AGAP1: variants seen among roughly 807,000 people sequenced by gnomAD.
The protein encoded by AGAP1 is arf-GAP with GTPase, ANK repeat and PH domain-containing protein 1.
AGAP1 carries 29 observed loss-of-function variants against 105.3 expected under a neutral mutation model. That is an observed-to-expected ratio of 0.28 (90% CI 0.21 to 0.38). The LOEUF (loss-of-function observed/expected upper bound fraction) is 0.38. Ranked by LOEUF, AGAP1 falls within the 10% of genes least tolerant of loss-of-function variation. AGAP1 has a pLI of 1.00. For synonymous variants in AGAP1, 509 were observed against 485.9 expected, an observed-to-expected ratio of 1.05 and a Z score of -0.63; for missense variants, 998 against 1,165.1, an observed-to-expected ratio of 0.86 and a Z score of 2.09.
intron 9 of AGAP1, among the ~76,000 whole-genome samples, chr2:235,831,654 G>A: frequency 6.6e-6 from 1 of 152,148 alleles, no homozygotes; most frequent in East Asian, 1.9e-4. Flanking sequence ...TTTCTTTCCA[G>A]TGCTGAGTAA....
intron 16 of AGAP1, among the ~76,000 whole-genome samples, chr2:236,066,413 A>G (rs1576215612): frequency 6.6e-6 from 1 of 152,144 alleles, no homozygotes; most frequent in Admixed American, 6.5e-5. Context: ...TTTAGTAGAG[A>G]TGGGGTTTCG....
intron 6 of AGAP1, among the ~76,000 whole-genome samples, chr2:235,762,373 A>G (rs1217830238): frequency 6.6e-6 from 1 of 152,122 alleles, no homozygotes; most frequent in Non-Finnish European, 1.5e-5. Context: ...ACTGGCTCCA[A>G]GAGGATGTGA....
At chr2:236,015,656 G>A (rs2125580003) in intron 13 of AGAP1, among the ~76,000 whole-genome samples, 1 of 152,206 alleles carries the variant, frequency 6.6e-6, no homozygotes, top group East Asian at 1.9e-4. Context: ...AGGGAGGCGG[G>A]GGCATCGGGC....
chr2:235,929,795 T>A (rs1266361903), intron 11 of AGAP1, among the ~76,000 whole-genome samples: 2 of 152,204 alleles, frequency 1.3e-5, no homozygotes, highest in Non-Finnish European at 2.9e-5. Context: ...TCTAAAAAGC[T>A]CCACAGGAAA....
At chr2:235,849,734 C>T (rs979346238) in intron 9 of AGAP1, among the ~76,000 whole-genome samples, 2 of 152,194 alleles carry the variant, frequency 1.3e-5, no homozygotes, top group Non-Finnish European at 2.9e-5. Context: ...TCCTCATGGC[C>T]GCTAGGGCAA....
chr2:236,086,156 C>A (rs1366872106), intron 16 of AGAP1, among the ~76,000 whole-genome samples: 2 of 152,196 alleles, frequency 1.3e-5, no homozygotes, highest in Non-Finnish European at 2.9e-5. Context: ...ATTCTAAATT[C>A]TAATTCATCT....
At position 235,723,145 on chromosome 2, in the gene AGAP1, C is replaced by T. The variant is rs956763481; in HGVS notation, c.310+5501C>T. Reference sequence around the variant, plus strand: ...TCATCGGCTGGCAGTGACCTTCACACCTCTGAGGACAATTTCACAGCTGCC... The same window carrying T: ...TCATCGGCTGGCAGTGACCTTCACATCTCTGAGGACAATTTCACAGCTGCC... On this transcript the variant is annotated intron_variant, in intron 3 of 17. Transcript: ENST00000304032. The surrounding 1 kb of genome is among the most constrained non-coding windows in gnomAD (Gnocchi z 6.2). 2.0e-5 allele frequency among the ~76,000 whole-genome samples: 3 copies of T among 152,238 alleles called. No individual in the cohort carries two copies. Among genetic ancestry groups the T allele is most frequent in the African/African-American group, 7.2e-5 (3 of 41,546 alleles).
chr2:236,127,828 CA>C lies in AGAP1; in HGVS notation c.*3708del, dbSNP rs1315036108. On this transcript the variant is annotated 3_prime_UTR_variant, in exon 18 of 18. Coordinates refer to ENST00000304032, the MANE Select transcript of AGAP1 (RefSeq NM_001037131.3). The surrounding 1 kb of genome is among the most constrained non-coding windows in gnomAD (Gnocchi z 6.6). The stretch of plus-strand genomic sequence containing the variant: ...CAGAGGATTCCTCTGCAACTCTAGG[CA>C]AGCACCCAGCTTCCTGGGCTCTTTT... 2 of 152,288 alleles carry C rather than the reference CA, an allele frequency of 1.3e-5. No homozygotes were observed. The highest frequency in any genetic ancestry group is 2.9e-5 in the Non-Finnish European group (2 of 68,088). 9.4% of individuals were successfully genotyped at this position (152,288 alleles called of 1,614,324 possible).
intron 13 of AGAP1, among the ~76,000 whole-genome samples, chr2:235,987,925 C>T (rs1040499005): frequency 2.0e-5 from 3 of 152,036 alleles, no homozygotes; most frequent in African/African-American, 7.3e-5. Context: ...CTCCTAATTA[C>T]AAAAATAGGT....
intron 9 of AGAP1, among the ~76,000 whole-genome samples, chr2:235,878,339 CCTT>C (rs2049848286): frequency 6.6e-6 from 1 of 152,198 alleles, no homozygotes. Context: ...CAGTGTTTCT[CCTT>C]CTCTTTGATA....
Position 235,971,772 on chromosome 2 carries a change from T to TTGATTG in AGAP1, c.1645+3149_1645+3150insTGATTG, listed in dbSNP as rs1559711488. Among the ~76,000 whole-genome samples, 5 of 148,436 alleles carry TTGATTG rather than the reference T, an allele frequency of 3.4e-5. No individual in the cohort carries two copies. The highest frequency in any genetic ancestry group is 1.3e-4 in the African/African-American group (5 of 39,686). On this transcript the variant is annotated intron_variant, in intron 13 of 17. Transcript: ENST00000304032. This position sits in a 1 kb window ranked among gnomAD's most constrained non-coding sequence, Gnocchi z 4.8. ...TTATTTATTTATTTATTTATTTATT[T>TTGATTG]ATTTATTTATTTATTGTATTTTTTG... is the stretch of plus-strand genomic sequence containing the variant.
intron 9 of AGAP1, among the ~76,000 whole-genome samples, chr2:235,856,149 T>C (rs1266734427): frequency 2.6e-5 from 4 of 152,132 alleles, no homozygotes; most frequent in African/African-American, 4.8e-5. Flanking sequence ...CCTGACCTTG[T>C]GAGCCACTCG....
At chr2:235,603,644 A>G (rs1352119605) in intron 1 of AGAP1, among the ~76,000 whole-genome samples, 2 of 152,236 alleles carry the variant, frequency 1.3e-5, no homozygotes, top group African/African-American at 2.4e-5. Flanking sequence ...TTCTCCTTTC[A>G]GTAAAATTAT....
At chr2:235,810,436 C>T (rs1422781617) in intron 9 of AGAP1, among the ~76,000 whole-genome samples, 1 of 152,158 alleles carries the variant, frequency 6.6e-6, no homozygotes, top group African/African-American at 2.4e-5. Context: ...CAGCAACCTG[C>T]GTGGAGTTGC....
At position 235,648,209 on chromosome 2, in the gene AGAP1, G is replaced by A. The variant is rs555308967; in HGVS notation, c.164-60970G>A. 2.0e-5 allele frequency among the ~76,000 whole-genome samples: 3 copies of A among 152,192 alleles called. No individual in the cohort carries two copies. In the East Asian group the frequency reaches 5.8e-4, roughly 29 times the overall value. On this transcript the variant is annotated intron_variant, in intron 1 of 17. Coordinates refer to ENST00000304032, the MANE Select transcript of AGAP1 (RefSeq NM_001037131.3). ...TTCTGAGACCTTCTGGTTATCCCCA[G>A]CTACCTGCCCCTCCACCTCCTGTGC...
rs763368585 is a variant in AGAP1, at chr2:235,905,833, G to T, written c.1156-2905G>T. Among the ~76,000 whole-genome samples, 1 of 152,164 alleles carries T rather than the reference G, an allele frequency of 6.6e-6. No homozygotes were observed. The highest frequency in any genetic ancestry group is 6.5e-5 in the Admixed American group (1 of 15,274). ...TTTCATTTGTCACCCTCAACACAGC[G>T]CAGTCCTGAGAATTCCTGTGCCGCT... On this transcript the variant is annotated intron_variant, in intron 10 of 17. Coordinates refer to ENST00000304032, the MANE Select transcript of AGAP1 (RefSeq NM_001037131.3). This position sits in a 1 kb window ranked among gnomAD's most constrained non-coding sequence, Gnocchi z 4.2.
At chr2:236,004,610 G>A (rs371127361) in intron 13 of AGAP1, among the ~76,000 whole-genome samples, 5 of 152,164 alleles carry the variant, frequency 3.3e-5, no homozygotes, top group Admixed American at 6.5e-5. Context: ...CACAGCATCC[G>A]GAAGAACTGG....
rs2058060335 is a variant in AGAP1, at chr2:236,056,695, T to G, written c.2114+7414T>G. The stretch of plus-strand genomic sequence containing the variant: ...CTCTCTGTCTTCTAGTGAACTTTTC[T>G]CTTTCTTCTTCTTAATGAAGAGGAG... On this transcript the variant is annotated intron_variant, in intron 16 of 17. Coordinates refer to ENST00000304032, the MANE Select transcript of AGAP1 (RefSeq NM_001037131.3). The surrounding 1 kb of genome is among the most constrained non-coding windows in gnomAD (Gnocchi z 4.6). Among the ~76,000 whole-genome samples the G allele has an allele frequency of 6.6e-6, 1 of 152,166 alleles. No homozygotes were observed.
At chr2:235,858,846 C>T (rs2048794900) in intron 9 of AGAP1, among the ~76,000 whole-genome samples, 1 of 152,152 alleles carries the variant, frequency 6.6e-6, no homozygotes, top group African/African-American at 2.4e-5. Context: ...TTGGTGGTAG[C>T]AAGGAGTATT....
Sources: gnomAD v4.1 joint callset for allele counts (sites outside exome capture counted in the v4.1 genomes callset) on GRCh38, gnomAD v4.1.1 for gene constraint, Gnocchi (gnomAD v3.1) non-coding constraint, MANE v1.5 for transcripts, NCBI Gene and HGNC (gene_info 2026-07-23, HGNC 2026-07-21) for gene names.